JPH1: variants seen among roughly 807,000 people sequenced by gnomAD.
JPH1 encodes the protein junctophilin 1.
A neutral mutation model predicts 53.6 loss-of-function variants in JPH1; 12 were observed. That is an observed-to-expected ratio of 0.22 (90% CI 0.14 to 0.36). JPH1 has a LOEUF of 0.36. Among genes scored for constraint, JPH1 ranks in the 10% least tolerant of loss-of-function variants. JPH1 has a pLI of 1.00. For synonymous variants in JPH1, 375 were observed against 363.8 expected (o/e 1.03, Z -0.35); for missense variants, 808 against 905.5 (o/e 0.89, Z 1.38).
intron 2 of JPH1, among the ~76,000 whole-genome samples, chr8:74,276,957 G>A (rs1008282633): frequency 2.6e-5 from 4 of 152,112 alleles, no homozygotes; most frequent in South Asian, 4.2e-4. Context: ...GAGTATAATC[G>A]ACCATACCAT....
intron 2 of JPH1, among the ~76,000 whole-genome samples, chr8:74,299,789 G>T (rs1246521361): frequency 6.6e-6 from 1 of 152,008 alleles, no homozygotes; most frequent in Non-Finnish European, 1.5e-5. Context: ...TATTTCCCTT[G>T]AAGTATCTTT....
At chr8:74,309,629 CTCA>C (rs1276406891) in intron 2 of JPH1, among the ~76,000 whole-genome samples, 1 of 152,106 alleles carries the variant, frequency 6.6e-6, no homozygotes, top group African/African-American at 2.4e-5. Flanking sequence ...CTTTGAACAC[CTCA>C]TTTAAGGAAT....
chr8:74,279,936 A>G (rs1379521640), intron 2 of JPH1, among the ~76,000 whole-genome samples: 1 of 152,240 alleles, frequency 6.6e-6, no homozygotes, highest in Non-Finnish European at 1.5e-5. Flanking sequence ...TTGTATAAAT[A>G]AAAACTAGAC....
Position 74,320,983 on chromosome 8 carries a change from G to A in JPH1, c.305C>T (p.Thr102Ile). ...GRYGVRQSLCTPARYEGTWSN... is the reference protein window; with the variant it reads ...GRYGVRQSLCIPARYEGTWSN... ...CCAGGTACCCTCGTAGCGAGCGGGG[G>A]TGCACAGGCTCTGCCGGACCCCGTA... Residue 102 changes from threonine to isoleucine, a missense_variant, in exon 1 of 6, where the codon ACC becomes ATC. This residue lies in a region of JPH1 where 756 missense variants were observed against 811.9 expected (regional missense o/e 0.93). Transcript: ENST00000342232. The surrounding 1 kb of genome is among the most constrained non-coding windows in gnomAD (Gnocchi z 4.4). 6.2e-7 allele frequency: 1 copy of A among 1,612,042 alleles called. No homozygotes were observed. The highest frequency in any genetic ancestry group is 8.5e-7 in the Non-Finnish European group (1 of 1,179,204).
rs112282667 is a variant in JPH1 at position 74,241,279 on chromosome 8, G to A, written c.1905+3250C>T. On this transcript the variant is annotated intron_variant, in intron 4 of 5. Transcript: ENST00000342232. ...GTTCAGTGGCAGATACCAAGCCCTG[G>A]CCTCTGTGTTCTTTATATACCTAGG... 8.0e-3 allele frequency among the ~76,000 whole-genome samples: 1,222 copies of A among 152,228 alleles called. 11 individuals are homozygous for A. The highest frequency in any genetic ancestry group is 0.013 in the Non-Finnish European group (893 of 67,998).
chr8:74,256,516 C>T (rs1442800426), intron 3 of JPH1, among the ~76,000 whole-genome samples: 4 of 145,304 alleles, frequency 2.8e-5, no homozygotes, highest in African/African-American at 1.1e-4. Context: ...ACGTTGTGCA[C>T]ATGTACCCTA....
intron 2 of JPH1, among the ~76,000 whole-genome samples, chr8:74,262,984 A>G (rs896070492): frequency 2.0e-5 from 3 of 152,242 alleles, no homozygotes; most frequent in Non-Finnish European, 4.4e-5. Context: ...TTAATAACTG[A>G]AATAGTGTTT....
At chr8:74,272,511 TA>T (rs750598259) in intron 2 of JPH1, among the ~76,000 whole-genome samples, 6 of 151,836 alleles carry the variant, frequency 4.0e-5, no homozygotes, top group Non-Finnish European at 5.9e-5. Flanking sequence ...GACGTCATAG[TA>T]ACAACGGCTC....
chr8:74,237,073 T>A, intron 5 of JPH1, 38 bp from the exon 6 acceptor site: 1 of 630,670 alleles, frequency 1.6e-6, no homozygotes, highest in Non-Finnish European at 2.8e-6. Context: ...TAAGTAACTA[T>A]GTTGAATCAC....
At position 74,306,864 on chromosome 8, in the gene JPH1, T is replaced by G. The variant is rs565511388; in HGVS notation, c.1139+7997A>C. The stretch of plus-strand genomic sequence containing the variant: ...CGCCCGCCTCGGCCTCCCAAAGTGC[T>G]GGGATTAGGGATGTGAGCCACCACG... On this transcript the variant is annotated intron_variant, in intron 2 of 5. Coordinates refer to ENST00000342232, the MANE Select transcript of JPH1 (RefSeq NM_020647.4). 2.0e-5 allele frequency among the ~76,000 whole-genome samples: 3 copies of G among 152,276 alleles called. No individual in the cohort carries two copies. The East Asian group carries it at 5.8e-4, about 29-fold the overall frequency.
intron 2 of JPH1, among the ~76,000 whole-genome samples, chr8:74,310,347 C>T (rs1310795249): frequency 6.6e-6 from 1 of 151,314 alleles, no homozygotes; most frequent in Non-Finnish European, 1.5e-5. Flanking sequence ...TTTGTACCCT[C>T]AGGACCAAGA....
At chr8:74,316,384 G>T (rs954220754) in intron 1 of JPH1, among the ~76,000 whole-genome samples, 1 of 152,180 alleles carries the variant, frequency 6.6e-6, no homozygotes, top group African/African-American at 2.4e-5. Context: ...ATCCTCTATG[G>T]ATTTCCCTAG....
chr8:74,275,713 C>T (rs899644791), intron 2 of JPH1, among the ~76,000 whole-genome samples: 17 of 152,160 alleles, frequency 1.1e-4, no homozygotes, highest in Admixed American at 1.0e-3. Flanking sequence ...GGCTACATCA[C>T]AACAGACAAT....
chr8:74,271,038 C>T (rs1203136348), intron 2 of JPH1, among the ~76,000 whole-genome samples: 6 of 152,164 alleles, frequency 3.9e-5, no homozygotes, highest in East Asian at 1.9e-4. Flanking sequence ...CCTCACCAAT[C>T]CGAGGTTCAG....
At position 74,315,501 on chromosome 8, in the gene JPH1, G is replaced by GCAGCGAGGC. The variant is rs753719485; in HGVS notation, c.490_498dup (p.Ala164_Leu166dup). On this transcript the variant is annotated inframe_insertion, in exon 2 of 6. Transcript: ENST00000342232. The surrounding 1 kb of genome is among the most constrained non-coding windows in gnomAD (Gnocchi z 6.3). The stretch of plus-strand genomic sequence containing the variant: ...ACGCTGCCATTGCTCTGCTCGCTGC[G>GCAGCGAGGC]CAGCGAGGCCAGCGAGGTACGCAGC... 1 of 1,605,772 alleles carries GCAGCGAGGC rather than the reference G, an allele frequency of 6.2e-7. No homozygotes were observed.
At chr8:74,316,763 T>TTTTTGCTACTA (rs1374990471) in intron 1 of JPH1, among the ~76,000 whole-genome samples, 2 of 152,194 alleles carry the variant, frequency 1.3e-5, no homozygotes, top group East Asian at 3.8e-4. Context: ...ACTAAATAAA[T>TTTTTGCTACTA]AAGCAAAGAC....
intron 2 of JPH1, among the ~76,000 whole-genome samples, chr8:74,280,737 T>A (rs1363372315): frequency 6.6e-6 from 1 of 152,204 alleles, no homozygotes; most frequent in African/African-American, 2.4e-5. Flanking sequence ...ATGTGGAAAT[T>A]AAAAACTGAA....
intron 3 of JPH1, among the ~76,000 whole-genome samples, chr8:74,253,687 G>C (rs888799272): frequency 6.6e-6 from 1 of 151,808 alleles, no homozygotes; most frequent in South Asian, 2.1e-4. Flanking sequence ...TCAAATAGAC[G>C]CAATAAAAAA....
At position 74,240,935 on chromosome 8, in the gene JPH1, T is replaced by C. The variant is rs553472702; in HGVS notation, c.1905+3594A>G. 3.8e-4 allele frequency among the ~76,000 whole-genome samples: 58 copies of C among 152,340 alleles called. No homozygotes were observed. The South Asian group carries it at 0.012, about 32-fold the overall frequency. On this transcript the variant is annotated intron_variant, in intron 4 of 5. Transcript: ENST00000342232. ...TTTGAATTTGTATATTCTTTTGGTT[T>C]GAATTTAGATTACTATCTTTTCTCT...
Sources: allele counts gnomAD v4.1 joint callset (sites outside exome capture counted in the v4.1 genomes callset), GRCh38; gene constraint gnomAD v4.1.1; regional missense constraint gnomAD v4.1.1; non-coding constraint Gnocchi (gnomAD v3.1); transcripts MANE v1.5; gene names NCBI Gene and HGNC (gene_info 2026-07-23, HGNC 2026-07-21).